Variants in DHRSX observed in about 807,000 individuals in gnomAD.
DHRSX encodes dehydrogenase/reductase X-linked.
A neutral mutation model predicts 34.0 loss-of-function variants in DHRSX; 31 were observed. The observed-to-expected ratio is 0.91, with a 90% CI of 0.69 to 1.23. The LOEUF is 1.23. Among genes scored for constraint, DHRSX ranks in the 50% most tolerant of loss-of-function variants. The probability of loss-of-function intolerance (pLI) is 0.00; values close to 1 mark genes in which losing one functional copy is unlikely to be tolerated. For missense variants in DHRSX, 414 were observed against 428.1 expected (o/e 0.97, Z 0.29); for synonymous variants, 201 against 183.8 (o/e 1.09, Z -0.76).
intron 1 of DHRSX, among the ~76,000 whole-genome samples, chrX:2,457,957 C>A (rs2044332482): frequency 6.6e-6 from 1 of 151,698 alleles, no homozygotes; most frequent in Non-Finnish European, 1.5e-5. Context: ...TGAAGACATT[C>A]CCTAAGCTTG....
At chrX:2,283,709 G>A (rs758983092) in intron 4 of DHRSX, among the ~76,000 whole-genome samples, 6 of 152,252 alleles carry the variant, frequency 3.9e-5, no homozygotes, top group South Asian at 2.1e-4. Flanking sequence ...GGTGCCCTGT[G>A]CCCATTTGCT....
intron 1 of DHRSX, among the ~76,000 whole-genome samples, chrX:2,448,970 C>T (rs2044178927): frequency 1.3e-5 from 2 of 152,162 alleles, no homozygotes; most frequent in South Asian, 4.1e-4. Flanking sequence ...GGGTGGATCA[C>T]CTGAGGTCAG....
intron 1 of DHRSX, among the ~76,000 whole-genome samples, chrX:2,500,111 C>A (rs1425253136): frequency 6.6e-6 from 1 of 152,228 alleles, no homozygotes; most frequent in African/African-American, 2.4e-5. Flanking sequence ...GCGGTCATCA[C>A]TGATGAGTTC....
At chrX:2,386,639 T>C (rs1260071523) in intron 3 of DHRSX, among the ~76,000 whole-genome samples, 1 of 152,228 alleles carries the variant, frequency 6.6e-6, no homozygotes, top group Non-Finnish European at 1.5e-5. Context: ...TTCTAATTTT[T>C]TGCAATAAGA....
intron 4 of DHRSX, among the ~76,000 whole-genome samples, chrX:2,290,067 A>T (rs900973885): frequency 1.1e-4 from 16 of 152,218 alleles, no homozygotes; most frequent in African/African-American, 3.9e-4. Context: ...ATACATATAC[A>T]AATACATATG....
intron 3 of DHRSX, among the ~76,000 whole-genome samples, chrX:2,344,626 A>G (rs956424318): frequency 6.6e-6 from 1 of 152,016 alleles, no homozygotes; most frequent in African/African-American, 2.4e-5. Flanking sequence ...AGAAAAGCAA[A>G]CACCACATGT....
intron 1 of DHRSX, among the ~76,000 whole-genome samples, chrX:2,477,837 A>G (rs1242393425): frequency 6.6e-6 from 1 of 151,408 alleles, no homozygotes; most frequent in Non-Finnish European, 1.5e-5. Flanking sequence ...AGGGTGACAG[A>G]GCAAGACTCC....
At chrX:2,468,589 A>C (rs2044534544) in intron 1 of DHRSX, among the ~76,000 whole-genome samples, 1 of 151,956 alleles carries the variant, frequency 6.6e-6, no homozygotes, top group African/African-American at 2.4e-5. Flanking sequence ...GTACACACTG[A>C]AGACGTTCCC....
chrX:2,387,886 A>G (rs2043289820), intron 3 of DHRSX, among the ~76,000 whole-genome samples: 1 of 82,560 alleles, frequency 1.2e-5, no homozygotes, highest in Non-Finnish European at 2.6e-5. Context: ...CCCTACTCTG[A>G]GCCTCCACCC....
intron 1 of DHRSX, among the ~76,000 whole-genome samples, chrX:2,479,550 A>T (rs1331967146): frequency 1.3e-5 from 2 of 149,414 alleles, no homozygotes; most frequent in African/African-American, 5.0e-5. Context: ...ACATGTGCAC[A>T]CTGAAGACAT....
chrX:2,308,918 C>T (rs2042132322), intron 3 of DHRSX, among the ~76,000 whole-genome samples: 1 of 151,590 alleles, frequency 6.6e-6, no homozygotes, highest in Non-Finnish European at 1.5e-5. Context: ...AACAAGGTCC[C>T]AGAAAATACT....
intron 3 of DHRSX, among the ~76,000 whole-genome samples, chrX:2,376,284 T>G (rs1176438411): frequency 1.5e-5 from 2 of 137,690 alleles, no homozygotes; most frequent in African/African-American, 2.5e-5. Context: ...TGAGTGTGCA[T>G]GTATGTCTAC....
intron 2 of DHRSX, among the ~76,000 whole-genome samples, chrX:2,424,348 G>A (rs182570296): frequency 1.3e-5 from 2 of 152,258 alleles, no homozygotes; most frequent in African/African-American, 4.8e-5. Flanking sequence ...CTCAGGAGAA[G>A]AGGAGATGAA....
At chrX:2,304,061 ATGGGTGGATGGATGGATGGGTGGG>A (rs2042059944) in intron 3 of DHRSX, among the ~76,000 whole-genome samples, 2 of 89,124 alleles carry the variant, frequency 2.2e-5, no homozygotes, top group African/African-American at 3.8e-5. Flanking sequence ...GGATGGATGG[ATGGGTGGATGGATGGATGGGTGGG>A]TGGGTGGATT....
intron 4 of DHRSX, among the ~76,000 whole-genome samples, chrX:2,276,078 G>A (rs373210112): frequency 1.4e-4 from 21 of 152,288 alleles, no homozygotes; most frequent in African/African-American, 4.8e-4. Flanking sequence ...TCCTGACCTC[G>A]TGATCCATCC....
At chrX:2,411,375 C>T (rs1258281066) in intron 2 of DHRSX, among the ~76,000 whole-genome samples, 2 of 151,756 alleles carry the variant, frequency 1.3e-5, no homozygotes, top group East Asian at 1.9e-4. Flanking sequence ...ATGAGGAAAC[C>T]CCATCTCTAC....
chrX:2,267,386 A>C (rs1219826677), intron 4 of DHRSX, among the ~76,000 whole-genome samples: 2 of 151,944 alleles, frequency 1.3e-5, no homozygotes, highest in African/African-American at 4.8e-5. Flanking sequence ...CTCTAGTAAA[A>C]ATACAAAAAT....
intron 3 of DHRSX, among the ~76,000 whole-genome samples, chrX:2,367,414 G>A (rs769561093): frequency 2.7e-5 from 4 of 150,592 alleles, no homozygotes; most frequent in East Asian, 3.9e-4. Context: ...CTCCAGCCTG[G>A]GAGATAGAGC....
intron 6 of DHRSX, among the ~76,000 whole-genome samples, chrX:2,239,625 C>G (rs986723633): frequency 3.8e-4 from 57 of 151,968 alleles, no homozygotes; most frequent in African/African-American, 1.4e-3. Flanking sequence ...AAAAATTAGC[C>G]AGACGTGGTG....
Sources: allele counts gnomAD v4.1 joint callset (sites outside exome capture counted in the v4.1 genomes callset), GRCh38; gene constraint gnomAD v4.1.1; transcripts MANE v1.5; gene names NCBI Gene and HGNC (gene_info 2026-07-23, HGNC 2026-07-21).